GXYLT2: variants seen among roughly 807,000 people sequenced by gnomAD.
GXYLT2 encodes the protein glucoside xylosyltransferase 2.
In GXYLT2, 53 loss-of-function variants were observed where a neutral mutation model predicts 45.8. The ratio of observed to expected loss-of-function variants is 1.16; its 90% CI spans 0.93 to 1.46. The LOEUF (loss-of-function observed/expected upper bound fraction) is 1.46, where lower values mean the gene tolerates loss of function less well. Among genes scored for constraint, GXYLT2 ranks in the 40% most tolerant of loss-of-function variants. GXYLT2 has a pLI of 0.00. For missense variants in GXYLT2, 551 were observed against 544.4 expected (o/e 1.01, Z -0.12); for synonymous variants, 219 against 214.2 (o/e 1.02, Z -0.19).
intron 1 of GXYLT2, among the ~76,000 whole-genome samples, chr3:72,904,707 G>C (rs562055806): frequency 6.6e-6 from 1 of 150,968 alleles, no homozygotes; most frequent in Non-Finnish European, 1.5e-5. Context: ...AAAATGAAGT[G>C]CCCACCACTT....
At chr3:72,945,303 A>AAAATAAAAT (rs75709829) in intron 3 of GXYLT2, among the ~76,000 whole-genome samples, 3,084 of 151,352 alleles carry the variant, frequency 0.02, 112 homozygotes, top group African/African-American at 0.071. Flanking sequence ...ATAAAAAAAT[A>AAAATAAAAT]AAAATAAAAT....
intron 3 of GXYLT2, among the ~76,000 whole-genome samples, chr3:72,940,788 C>A (rs901675498): frequency 6.6e-6 from 1 of 152,016 alleles, no homozygotes; most frequent in Non-Finnish European, 1.5e-5. Flanking sequence ...CTCAGAGGAC[C>A]CTCCTGTCTC....
chr3:72,910,069 G>C (rs1709589041), intron 2 of GXYLT2, among the ~76,000 whole-genome samples: 1 of 152,162 alleles, frequency 6.6e-6, no homozygotes, highest in East Asian at 1.9e-4. Context: ...TCAGGGGAAG[G>C]GTGAAGGAAA....
At chr3:72,915,158 G>A (rs565945547) in intron 2 of GXYLT2, among the ~76,000 whole-genome samples, 9 of 151,860 alleles carry the variant, frequency 5.9e-5, no homozygotes, top group African/African-American at 2.2e-4. Context: ...CTCAAAAAGA[G>A]CCTGAATTGG....
At chr3:72,896,424 A>G (rs1341325357) in intron 1 of GXYLT2, among the ~76,000 whole-genome samples, 3 of 152,098 alleles carry the variant, frequency 2.0e-5, no homozygotes, top group Non-Finnish European at 2.9e-5. Flanking sequence ...TCAGTTTTAT[A>G]TCTTTTAAAA....
Position 72,908,450 on chromosome 3 carries a change from G to A in GXYLT2, c.359G>A (p.Arg120Gln), listed in dbSNP as rs773656071. 11 of 1,613,786 alleles carry A rather than the reference G, an allele frequency of 6.8e-6. No individual in the cohort carries two copies. The highest frequency in any genetic ancestry group is 1.3e-5 in the African/African-American group (1 of 74,894). Residue 120 changes from arginine (R) to glutamine (Q), a missense_variant, in exon 2 of 7, where the codon CGG becomes CAG. Transcript: ENST00000389617. ...IHLAVVACGN[R>Q]LEETLVMLKS... ...CTGGCTGTGGTGGCCTGTGGCAATC[G>A]GCTGGAGGAGACGCTGGTCATGCTC... is the stretch of plus-strand genomic sequence containing the variant.
intron 6 of GXYLT2, among the ~76,000 whole-genome samples, chr3:72,971,755 C>A (rs531816271): frequency 6.6e-6 from 1 of 151,882 alleles, no homozygotes; most frequent in Non-Finnish European, 1.5e-5. Flanking sequence ...TCGAGAACAG[C>A]GTGGCCAAAA....
chr3:72,913,029 T>G (rs975424571), intron 2 of GXYLT2, among the ~76,000 whole-genome samples: 1 of 150,146 alleles, frequency 6.7e-6, no homozygotes, highest in Non-Finnish European at 1.5e-5. Flanking sequence ...CTCAGGTTTT[T>G]TTTTTGTTTT....
At chr3:72,948,144 T>C (rs141240616) in intron 3 of GXYLT2, among the ~76,000 whole-genome samples, 12 of 152,332 alleles carry the variant, frequency 7.9e-5, no homozygotes, top group Admixed American at 2.0e-4. Flanking sequence ...GAATTTGCAG[T>C]AACTCCACAT....
At chr3:72,947,875 G>GGTTTTT (rs1361306467) in intron 3 of GXYLT2, among the ~76,000 whole-genome samples, 7 of 152,112 alleles carry the variant, frequency 4.6e-5, no homozygotes, top group Non-Finnish European at 8.8e-5. Flanking sequence ...ATTTATTGTA[G>GGTTTTT]GTTTTTGTTT....
chr3:72,973,045 G>A (rs368003330), intron 6 of GXYLT2, among the ~76,000 whole-genome samples: 9 of 151,774 alleles, frequency 5.9e-5, no homozygotes, highest in Admixed American at 4.6e-4. Context: ...GCAGTGAGCC[G>A]TGATTGCCCC....
intron 4 of GXYLT2, among the ~76,000 whole-genome samples, chr3:72,955,958 G>A (rs76900611): frequency 0.034 from 5,127 of 152,216 alleles, 297 homozygotes; most frequent in African/African-American, 0.12. Context: ...CACACCTGTA[G>A]TCCTAGCTAT....
intron 5 of GXYLT2, among the ~76,000 whole-genome samples, chr3:72,966,811 A>G (rs1257686686): frequency 1.3e-5 from 2 of 151,734 alleles, no homozygotes; most frequent in East Asian, 3.9e-4. Context: ...TTTTTAGTAG[A>G]GACAGGTTTC....
At chr3:72,893,461 T>C (rs1709221946) in intron 1 of GXYLT2, among the ~76,000 whole-genome samples, 1 of 152,224 alleles carries the variant, frequency 6.6e-6, no homozygotes, top group South Asian at 2.1e-4. Flanking sequence ...CATCACTCTC[T>C]TCTTCCTTAC....
chr3:72,942,951 C>T (rs866589933), intron 3 of GXYLT2, among the ~76,000 whole-genome samples: 1 of 152,118 alleles, frequency 6.6e-6, no homozygotes, highest in Non-Finnish European at 1.5e-5. Context: ...TTACTGTTCT[C>T]TTGTTATGTA....
At chr3:72,974,078 C>G (rs1176862589) in intron 6 of GXYLT2, among the ~76,000 whole-genome samples, 2 of 152,186 alleles carry the variant, frequency 1.3e-5, no homozygotes, top group African/African-American at 2.4e-5. Context: ...TCATTTCTCA[C>G]TAGTCTTTCC....
chr3:72,970,744 C>G (rs1422019105), intron 6 of GXYLT2, among the ~76,000 whole-genome samples: 1 of 152,080 alleles, frequency 6.6e-6, no homozygotes, highest in Non-Finnish European at 1.5e-5. Flanking sequence ...TGCCTGTAAT[C>G]CCAGCTACTC....
At chr3:72,961,061 T>C (rs1710759231) in intron 5 of GXYLT2, among the ~76,000 whole-genome samples, 2 of 152,222 alleles carry the variant, frequency 1.3e-5, no homozygotes, top group South Asian at 4.1e-4. Flanking sequence ...AGATAGTAAA[T>C]GCCTGTGGGT....
In GXYLT2 at chr3:72,926,118, A is replaced by G. The variant is rs75097941; in HGVS notation, c.600+3783A>G. On this transcript the variant is annotated intron_variant, in intron 3 of 6. Coordinates refer to ENST00000389617, the MANE Select transcript of GXYLT2 (RefSeq NM_001080393.2). ...GGAGATCCTAAAGTGCAAACATTCT[A>G]TCAGGTAGTCAGTTGACTGAGGACC... is the stretch of plus-strand genomic sequence containing the variant. 9.0e-3 allele frequency among the ~76,000 whole-genome samples: 1,373 copies of G among 152,350 alleles called. 19 individuals are homozygous for G. Among genetic ancestry groups the G allele is most frequent in the African/African-American group, 0.031 (1,284 of 41,578 alleles).
Sources: gnomAD v4.1 joint callset for allele counts (sites outside exome capture counted in the v4.1 genomes callset) on GRCh38, gnomAD v4.1.1 for gene constraint, MANE v1.5 for transcripts, NCBI Gene and HGNC (gene_info 2026-07-23, HGNC 2026-07-21) for gene names.